The following ENOX2 variants were observed in gnomAD, a reference collection of about 807,000 sequenced individuals.
ENOX2 encodes APK1 antigen.
Under a neutral mutation model 45.0 loss-of-function variants are expected in ENOX2, and 36 were observed. That is an observed-to-expected ratio of 0.80 (90% confidence interval 0.61 to 1.06). The LOEUF (loss-of-function observed/expected upper bound fraction) is 1.06, where lower values mean the gene tolerates loss of function less well. Ranked by LOEUF, ENOX2 falls within the 50% of genes least tolerant of loss-of-function variation. The probability of loss-of-function intolerance (pLI) is 0.00; values close to 1 mark genes in which losing one functional copy is unlikely to be tolerated. For missense variants in ENOX2, 423 were observed against 462.5 expected, an observed-to-expected ratio of 0.91 and a Z score of 0.78; for synonymous variants, 174 against 152.3, an observed-to-expected ratio of 1.14 and a Z score of -1.05.
At chrX:130,881,843 A>G (rs992562330) in intron 2 of ENOX2, among the ~76,000 whole-genome samples, 7 of 112,055 alleles carry the variant, frequency 6.2e-5, no homozygotes, top group Admixed American at 5.7e-4. Context: ...GAAGCAATTT[A>G]GCCATCCAGC....
chrX:130,758,040 GTCC>G (rs1369883793), intron 3 of ENOX2, among the ~76,000 whole-genome samples: 12 of 112,321 alleles, frequency 1.1e-4, no homozygotes, highest in Non-Finnish European at 1.5e-4. Flanking sequence ...AAGTAAAGCA[GTCC>G]TCTTGTCTTG....
chrX:130,795,513 T>C (rs1338666541), intron 2 of ENOX2, among the ~76,000 whole-genome samples: 1 of 112,357 alleles, frequency 8.9e-6, no homozygotes, highest in Non-Finnish European at 1.9e-5. Flanking sequence ...TGACTGATAG[T>C]CTCTCTCTTT....
chrX:130,805,119 C>T (rs901917279), intron 2 of ENOX2, among the ~76,000 whole-genome samples: 1 of 111,694 alleles, frequency 9.0e-6, no homozygotes, highest in African/African-American at 3.3e-5. Context: ...TCATCTTGGA[C>T]TTCTCAGCTT....
intron 9 of ENOX2, among the ~76,000 whole-genome samples, chrX:130,663,339 T>C (rs897381575): frequency 2.7e-5 from 3 of 110,806 alleles, no homozygotes; most frequent in Non-Finnish European, 5.7e-5. Flanking sequence ...AAGACCAGCC[T>C]GGGCAACATG....
chrX:130,784,740 A>C (rs1447500804), intron 2 of ENOX2, among the ~76,000 whole-genome samples: 2 of 108,405 alleles, frequency 1.8e-5, no homozygotes. Flanking sequence ...GGCATGCACC[A>C]CCATGCCTGG....
chrX:130,677,906 G>A (rs2037196224), intron 6 of ENOX2, among the ~76,000 whole-genome samples: 1 of 110,475 alleles, frequency 9.1e-6, no homozygotes, highest in Non-Finnish European at 1.9e-5. Flanking sequence ...GGCCAACAAG[G>A]TGAAATCCCA....
intron 10 of ENOX2, among the ~76,000 whole-genome samples, chrX:130,649,111 C>T (rs879227129): frequency 1.0e-5 from 1 of 97,333 alleles, no homozygotes; most frequent in Admixed American, 1.1e-4. Flanking sequence ...TGCTTCCTCT[C>T]TCACCATATG....
At chrX:130,751,908 GTTGT>G (rs1367718417) in intron 3 of ENOX2, among the ~76,000 whole-genome samples, 1 of 111,791 alleles carries the variant, frequency 8.9e-6, no homozygotes, top group African/African-American at 3.2e-5. Context: ...TTTTGATTGA[GTTGT>G]TTGTCTTTTT....
chrX:130,623,746 T>C lies in ENOX2; in HGVS notation c.*1568A>G, dbSNP rs1191733818. On this transcript the variant is annotated 3_prime_UTR_variant, in exon 15 of 15. Transcript: ENST00000394363. ...GCAGGGTGCTTCAGGGGGAAGCCAG[T>C]TTTCAGCACGAATGGGCTGCTGTGG... 1.8e-5 allele frequency: 2 copies of C among 111,048 alleles called. No homozygotes were observed. Among genetic ancestry groups the C allele is most frequent in the Non-Finnish European group, 3.8e-5 (2 of 53,057 alleles). The allele number at this position is 111,048 out of a possible 1,213,427, so 9.2% of individuals were successfully genotyped here. A position where few individuals can be genotyped will look rare whatever the true frequency, so the allele number is the denominator to read the frequency against.
intron 2 of ENOX2, among the ~76,000 whole-genome samples, chrX:130,821,744 A>T (rs1362869350): frequency 7.0e-5 from 4 of 57,303 alleles, no homozygotes; most frequent in African/African-American, 2.7e-4. Context: ...AAATAAATTA[A>T]AAAAAAAAAA....
intron 3 of ENOX2, among the ~76,000 whole-genome samples, chrX:130,741,504 T>C (rs5977365): frequency 3.8e-4 from 43 of 111,899 alleles, no homozygotes; most frequent in African/African-American, 1.4e-3. Context: ...GATGGGAAAT[T>C]AGCATTTTGT....
chrX:130,747,725 G>C (rs1334666985), intron 3 of ENOX2, among the ~76,000 whole-genome samples: 2 of 112,509 alleles, frequency 1.8e-5, no homozygotes, highest in African/African-American at 6.5e-5. Flanking sequence ...AGGACAAACA[G>C]TTCCTCATCC....
chrX:130,842,032 T>C (rs1406533436), intron 2 of ENOX2, among the ~76,000 whole-genome samples: 1 of 112,483 alleles, frequency 8.9e-6, no homozygotes, highest in East Asian at 2.8e-4. Flanking sequence ...AAAGCTTAAC[T>C]AAGGTTCACA....
intron 3 of ENOX2, among the ~76,000 whole-genome samples, chrX:130,722,882 G>C (rs2038515871): frequency 1.8e-5 from 2 of 112,420 alleles, no homozygotes; most frequent in African/African-American, 6.5e-5. Context: ...TATGTAGTAG[G>C]TACTCAATGA....
At chrX:130,828,901 A>G (rs2077768609) in intron 2 of ENOX2, among the ~76,000 whole-genome samples, 1 of 111,971 alleles carries the variant, frequency 8.9e-6, no homozygotes, top group Non-Finnish European at 1.9e-5. Context: ...AGAACTGAGT[A>G]GATCAGCCTT....
intron 2 of ENOX2, among the ~76,000 whole-genome samples, chrX:130,851,918 C>A (rs2078218551): frequency 8.9e-6 from 1 of 111,958 alleles, no homozygotes; most frequent in Admixed American, 9.5e-5. Flanking sequence ...GCACCTGGGG[C>A]AGCTGGCCAA....
chrX:130,793,769 A>T (rs1603351701), intron 2 of ENOX2, among the ~76,000 whole-genome samples: 1 of 112,316 alleles, frequency 8.9e-6, no homozygotes, highest in African/African-American at 3.2e-5. Context: ...AAAGCAAAAT[A>T]CATATTTCCA....
At chrX:130,684,181 T>C (rs140566527) in intron 5 of ENOX2, among the ~76,000 whole-genome samples, 7,125 of 112,375 alleles carry the variant, frequency 0.063, 575 homozygotes, top group African/African-American at 0.22. Context: ...ATAATTATTG[T>C]GGTAGCTACA....
At chrX:130,632,406 A>T (rs1328900113) in intron 12 of ENOX2, among the ~76,000 whole-genome samples, 1 of 96,704 alleles carries the variant, frequency 1.0e-5, no homozygotes, top group Non-Finnish European at 2.1e-5. Context: ...GGTGAAATCC[A>T]TGACCAGCAG....
Sources: allele counts gnomAD v4.1 joint callset (sites outside exome capture counted in the v4.1 genomes callset), GRCh38; gene constraint gnomAD v4.1.1; transcripts MANE v1.5; gene names NCBI Gene and HGNC (gene_info 2026-07-23, HGNC 2026-07-21).